DPP10: variants seen among roughly 807,000 people sequenced by gnomAD.
DPP10 encodes the protein dipeptidyl peptidase like 10, also known as inactive dipeptidyl peptidase 10.
In DPP10, 33 loss-of-function variants were observed where a neutral mutation model predicts 120.9. The ratio of observed to expected loss-of-function variants is 0.27; its 90% CI spans 0.21 to 0.37. The LOEUF (loss-of-function observed/expected upper bound fraction) is 0.37. Among genes scored for constraint, DPP10 ranks in the 10% least tolerant of loss-of-function variants. The probability of loss-of-function intolerance (pLI) is 1.00; values close to 1 mark genes in which losing one functional copy is unlikely to be tolerated. For missense variants in DPP10, 816 were observed against 942.8 expected (o/e 0.87, Z 1.76); for synonymous variants, 337 against 326.1 (o/e 1.03, Z -0.36).
At chr2:115,535,964 G>T (rs930880171) in intron 5 of DPP10, among the ~76,000 whole-genome samples, 1 of 151,962 alleles carries the variant, frequency 6.6e-6, no homozygotes, top group African/African-American at 2.4e-5. Context: ...CATTGATTTT[G>T]TATCCTGAGA....
At chr2:114,541,149 C>T (rs778763300) in intron 1 of DPP10, among the ~76,000 whole-genome samples, 10 of 152,144 alleles carry the variant, frequency 6.6e-5, no homozygotes, top group African/African-American at 1.4e-4. Flanking sequence ...CCGATGGGGG[C>T]GAAGTCACGG....
At chr2:114,679,488 T>C (rs1025285197) in intron 1 of DPP10, among the ~76,000 whole-genome samples, 1 of 151,792 alleles carries the variant, frequency 6.6e-6, no homozygotes, top group Admixed American at 6.6e-5. Context: ...ATCCAGGAGG[T>C]GAGTTGCCTG....
intron 1 of DPP10, among the ~76,000 whole-genome samples, chr2:114,778,480 T>A (rs761357619): frequency 6.6e-6 from 1 of 152,126 alleles, no homozygotes; most frequent in Non-Finnish European, 1.5e-5. Context: ...TTCTTATTTA[T>A]GTTACAGTAA....
intron 1 of DPP10, among the ~76,000 whole-genome samples, chr2:115,052,877 G>A (rs544983458): frequency 1.3e-5 from 2 of 151,820 alleles, no homozygotes; most frequent in East Asian, 3.9e-4. Context: ...ACTTGAACCT[G>A]GGAGGCGGAG....
intron 2 of DPP10, among the ~76,000 whole-genome samples, chr2:115,318,560 T>C (rs188393767): frequency 6.6e-6 from 1 of 152,224 alleles, no homozygotes; most frequent in East Asian, 1.9e-4. Flanking sequence ...AAATATGGAA[T>C]GTCTTTTCAT....
At chr2:114,704,369 T>A (rs1437288101) in intron 1 of DPP10, among the ~76,000 whole-genome samples, 1 of 152,122 alleles carries the variant, frequency 6.6e-6, no homozygotes, top group Non-Finnish European at 1.5e-5. Flanking sequence ...GAATGATCAT[T>A]CCAGGCCTCA....
chr2:115,204,866 A>T, intron 1 of DPP10, among the ~76,000 whole-genome samples: 1 of 152,014 alleles, frequency 6.6e-6, no homozygotes, highest in East Asian at 1.9e-4. Flanking sequence ...GTATTTTTTC[A>T]TGTTTCTTTG....
intron 1 of DPP10, among the ~76,000 whole-genome samples, chr2:114,592,875 C>T (rs747988930): frequency 2.0e-5 from 3 of 152,048 alleles, no homozygotes; most frequent in Non-Finnish European, 4.4e-5. Flanking sequence ...GAAGGTACAC[C>T]AGTCTCTAGA....
chr2:115,437,744 G>A lies in DPP10; in HGVS notation c.272-61766G>A, dbSNP rs535921918. On this transcript the variant is annotated intron_variant, in intron 3 of 25. Transcript: ENST00000410059. The stretch of plus-strand genomic sequence containing the variant: ...ATTAAGAATATGACTAAACATTTAT[G>A]TTCATCTAGTAGAAAATAGGTGTGA... Among the ~76,000 whole-genome samples the A allele has an allele frequency of 3.3e-5, 5 of 151,986 alleles. No homozygotes were observed. In the South Asian group the frequency reaches 8.3e-4, roughly 25 times the overall value.
At chr2:114,772,583 A>T (rs1681365440) in intron 1 of DPP10, among the ~76,000 whole-genome samples, 1 of 152,180 alleles carries the variant, frequency 6.6e-6, no homozygotes, top group Admixed American at 6.5e-5. Flanking sequence ...ACAGTATAGG[A>T]ACTTTCTCCG....
At chr2:114,885,470 T>C (rs1337190922) in intron 1 of DPP10, among the ~76,000 whole-genome samples, 1 of 152,176 alleles carries the variant, frequency 6.6e-6, no homozygotes, top group East Asian at 1.9e-4. Flanking sequence ...ACAAACTATA[T>C]CACCCTTCAT....
intron 1 of DPP10, among the ~76,000 whole-genome samples, chr2:114,761,706 A>G (rs1680298874): frequency 6.6e-6 from 1 of 152,140 alleles, no homozygotes. Flanking sequence ...GTCTAAATCT[A>G]TTTGAGCTCA....
intron 5 of DPP10, among the ~76,000 whole-genome samples, chr2:115,607,035 G>C (rs1402602987): frequency 1.3e-5 from 2 of 152,016 alleles, no homozygotes; most frequent in Non-Finnish European, 2.9e-5. Flanking sequence ...AAAAGGTAGG[G>C]AAGGCAAGGA....
At chr2:115,206,310 T>A (rs1396518905) in intron 1 of DPP10, among the ~76,000 whole-genome samples, 6 of 152,152 alleles carry the variant, frequency 3.9e-5, no homozygotes, top group African/African-American at 1.4e-4. Flanking sequence ...TTAAACAATC[T>A]ATAGCACCAT....
At chr2:114,996,874 C>T (rs1224026789) in intron 1 of DPP10, among the ~76,000 whole-genome samples, 5 of 148,112 alleles carry the variant, frequency 3.4e-5, no homozygotes, top group Non-Finnish European at 7.4e-5. Context: ...CCCAGCTACT[C>T]GGGAGTCTGA....
In DPP10 at chr2:115,241,349, T is replaced by C. The variant is rs145110279; in HGVS notation, c.61-67890T>C. 1.1e-3 allele frequency among the ~76,000 whole-genome samples: 166 copies of C among 152,366 alleles called. 1 individual carries two copies. The highest frequency in any genetic ancestry group is 1.9e-3 in the Non-Finnish European group (128 of 68,034). On this transcript the variant is annotated intron_variant, in intron 1 of 25. Coordinates refer to ENST00000410059, the MANE Select transcript of DPP10 (RefSeq NM_020868.6). ...AAAACTGCATGTTTAAACAGTTTGC[T>C]AGACTAATATGTTCAGTATCCTTGG...
intron 1 of DPP10, among the ~76,000 whole-genome samples, chr2:114,890,001 G>A (rs773797435): frequency 1.7e-4 from 26 of 152,186 alleles, no homozygotes; most frequent in Non-Finnish European, 2.9e-4. Flanking sequence ...CTACTGTGTC[G>A]AAATTTGTAG....
intron 21 of DPP10, among the ~76,000 whole-genome samples, chr2:115,830,876 A>T (rs1688848347): frequency 1.3e-5 from 2 of 152,184 alleles, no homozygotes; most frequent in African/African-American, 4.8e-5. Context: ...AACTTTACTT[A>T]GGGAGGTAAT....
At chr2:114,551,565 T>A (rs1414310385) in intron 1 of DPP10, among the ~76,000 whole-genome samples, 1 of 152,212 alleles carries the variant, frequency 6.6e-6, no homozygotes, top group Non-Finnish European at 1.5e-5. Flanking sequence ...GAGCTCCAGC[T>A]CAGCCAGCAC....
Sources: allele counts gnomAD v4.1 joint callset (sites outside exome capture counted in the v4.1 genomes callset), GRCh38; gene constraint gnomAD v4.1.1; transcripts MANE v1.5; gene names NCBI Gene and HGNC (gene_info 2026-07-23, HGNC 2026-07-21).